Variants in APBA2 observed in about 807,000 individuals in gnomAD.
APBA2 encodes amyloid-beta A4 precursor protein-binding family A member 2.
APBA2 carries 30 observed loss-of-function variants against 75.0 expected under a neutral mutation model. The ratio of observed to expected loss-of-function variants is 0.40; its 90% CI spans 0.30 to 0.54. The LOEUF is 0.54. APBA2 is among the 20% of genes least tolerant of loss of function. APBA2 has a pLI of 0.49. For synonymous variants in APBA2, 444 were observed against 409.6 expected (o/e 1.08, Z -1.01); for missense variants, 801 against 1,016.1 (o/e 0.79, Z 2.88).
intron 2 of APBA2, among the ~76,000 whole-genome samples, chr15:28,922,379 C>T (rs1341159612): frequency 6.6e-6 from 1 of 152,190 alleles, no homozygotes; most frequent in Non-Finnish European, 1.5e-5. Flanking sequence ...CACTGGTGGC[C>T]ACCACAGTTA....
chr15:28,898,520 A>G (rs180699676), intron 1 of APBA2, among the ~76,000 whole-genome samples: 14 of 152,338 alleles, frequency 9.2e-5, no homozygotes, highest in Admixed American at 7.2e-4. Context: ...AGGAAGGGCA[A>G]CAGACAACTG....
chr15:28,955,750 C>T (rs2036132666), intron 2 of APBA2, among the ~76,000 whole-genome samples: 1 of 112,732 alleles, frequency 8.9e-6, no homozygotes, highest in South Asian at 2.6e-4. Flanking sequence ...CAAAGCTCCT[C>T]CCAGGTGCCT....
At position 28,942,918 on chromosome 15, in the gene APBA2, C is replaced by T. The variant is rs180909243; in HGVS notation, c.-95+21169C>T. Among the ~76,000 whole-genome samples the T allele has an allele frequency of 5.9e-4, 90 of 152,356 alleles. 1 individual carries two copies. In the East Asian group the frequency reaches 0.017, roughly 28 times the overall value. On this transcript the variant is annotated intron_variant, in intron 2 of 14. Transcript: ENST00000683413. ...GAGCAGCCCCTGAGCGACTCTGCTC[C>T]TTCCTGGGCCTCGGTTTCCTCGTTC...
chr15:29,054,329 C>T lies in APBA2; in HGVS notation c.445C>T (p.Pro149Ser), dbSNP rs760419830. ...EEWTDSAGPH[P>S]HGHEAEGSQD... ...GTGGACGGACTCGGCGGGCCCGCAC[C>T]CCCACGGCCACGAGGCTGAAGGCAG... is the stretch of plus-strand genomic sequence containing the variant. The change falls in exon 4 of 15, where the codon CCC becomes TCC. Residue 149 changes from proline to serine, a missense_variant. Around this residue, in one of 2 missense-constraint regions of APBA2, gnomAD observed 434 missense variants for 471.6 expected, o/e 0.92. Transcript: ENST00000683413. This position sits in a 1 kb window ranked among gnomAD's most constrained non-coding sequence, Gnocchi z 6.1. 3.3e-5 allele frequency: 54 copies of T among 1,613,886 alleles called. No homozygotes were observed. Among genetic ancestry groups the T allele is most frequent in the Non-Finnish European group, 4.5e-5 (53 of 1,180,012 alleles).
chr15:29,029,384 A>G (rs536777435), intron 3 of APBA2, among the ~76,000 whole-genome samples: 1 of 151,780 alleles, frequency 6.6e-6, no homozygotes, highest in African/African-American at 2.4e-5. Flanking sequence ...AATGAGTACT[A>G]ATTTGGCCAT....
At chr15:29,000,078 G>A (rs549105746) in intron 3 of APBA2, among the ~76,000 whole-genome samples, 30 of 152,258 alleles carry the variant, frequency 2.0e-4, no homozygotes, top group Non-Finnish European at 4.3e-4. Context: ...GAGGAGGGCC[G>A]TCTGCTTTAC....
At chr15:28,886,840 C>A (rs994491307) in intron 1 of APBA2, among the ~76,000 whole-genome samples, 2 of 152,176 alleles carry the variant, frequency 1.3e-5, no homozygotes, top group African/African-American at 4.8e-5. Context: ...TGCAGGTGCC[C>A]GGTTGGGGGC....
At chr15:29,070,151 A>T (rs1047777868) in intron 4 of APBA2, among the ~76,000 whole-genome samples, 3 of 149,510 alleles carry the variant, frequency 2.0e-5, no homozygotes, top group African/African-American at 7.7e-5. Context: ...AGATGAAAAA[A>T]CTTATAGTGG....
intron 3 of APBA2, among the ~76,000 whole-genome samples, chr15:28,996,632 C>T (rs139427114): frequency 1.3e-4 from 20 of 152,200 alleles, no homozygotes; most frequent in East Asian, 1.9e-4. Flanking sequence ...GTTTGGAGAA[C>T]GAGGAGCAGA....
chr15:29,055,912 G>T (rs931403503), intron 4 of APBA2, among the ~76,000 whole-genome samples: 3 of 152,180 alleles, frequency 2.0e-5, no homozygotes, highest in Non-Finnish European at 2.9e-5. Context: ...ATGCATAGGA[G>T]CTCCCATGGT....
intron 3 of APBA2, among the ~76,000 whole-genome samples, chr15:29,038,446 G>T (rs1402388119): frequency 6.6e-6 from 1 of 152,132 alleles, no homozygotes; most frequent in Non-Finnish European, 1.5e-5. Context: ...CCGTGGTATG[G>T]GTTGGTTTCC....
chr15:29,073,339 GGTAAATTAGGTAAAT>G (rs1418131229), intron 4 of APBA2, among the ~76,000 whole-genome samples: 1 of 152,166 alleles, frequency 6.6e-6, no homozygotes, highest in Non-Finnish European at 1.5e-5. Context: ...TAAGGTGCTA[GGTAAATTAGGTAAAT>G]GTAACTTTTT....
chr15:28,999,568 G>A lies in APBA2; in HGVS notation c.-41+3762G>A, dbSNP rs150682971. ...GGTTGCCCAGAGTGTGAAGCAAGGG[G>A]GCCTTCATGTCCTGTTTATCAAGGG... On this transcript the variant is annotated intron_variant, in intron 3 of 14. Coordinates refer to ENST00000683413, the MANE Select transcript of APBA2 (RefSeq NM_001353788.2). 8.5e-5 allele frequency among the ~76,000 whole-genome samples: 13 copies of A among 152,218 alleles called. No homozygotes were observed. In the East Asian group the frequency reaches 2.5e-3, roughly 29 times the overall value.
intron 4 of APBA2, among the ~76,000 whole-genome samples, chr15:29,074,378 A>G (rs903819523): frequency 2.0e-5 from 3 of 152,222 alleles, no homozygotes; most frequent in Admixed American, 2.0e-4. Context: ...GCTGAGTGCA[A>G]TAAGCCAGTT....
chr15:29,017,376 T>C (rs985683720), intron 3 of APBA2, among the ~76,000 whole-genome samples: 12 of 151,160 alleles, frequency 7.9e-5, no homozygotes, highest in African/African-American at 2.9e-4. Context: ...TTCATATTTT[T>C]CCATCTTCTT....
chr15:28,898,662 A>G (rs1318034557), intron 1 of APBA2, among the ~76,000 whole-genome samples: 1 of 152,194 alleles, frequency 6.6e-6, no homozygotes, highest in African/African-American at 2.4e-5. Flanking sequence ...GGTTCCATTT[A>G]TGCTATGGAA....
rs183549741 is a variant in APBA2 at position 29,082,977 on chromosome 15, G to T, written c.1069+6886G>T. Among the ~76,000 whole-genome samples the T allele has an allele frequency of 1.3e-3, 194 of 152,150 alleles. 1 individual carries two copies. In the Middle Eastern group the frequency reaches 0.014, roughly 11 times the overall value. ...CTAGAGAGGCTGGGGCAGGAGAATT[G>T]CTTGAATCTGGGAGTTAGAGGTTGC... On this transcript the variant is annotated intron_variant, in intron 6 of 14. Transcript: ENST00000683413.
intron 2 of APBA2, among the ~76,000 whole-genome samples, chr15:28,945,622 G>A (rs8023781): frequency 3.3e-5 from 5 of 151,582 alleles, no homozygotes; most frequent in African/African-American, 4.9e-5. Context: ...AAGTTCAAGC[G>A]ATTCTCCTGC....
In APBA2 at chr15:29,059,914, C is replaced by T. The variant is rs550614116; in HGVS notation, c.951+5079C>T. ...GCATAAAGTCCCACGTTCGCTATAG[C>T]GGAGACACCAGCCAGCCTGGCCAGT... On this transcript the variant is annotated intron_variant, in intron 4 of 14. Coordinates refer to ENST00000683413, the MANE Select transcript of APBA2 (RefSeq NM_001353788.2). Among the ~76,000 whole-genome samples the T allele has an allele frequency of 2.6e-4, 40 of 152,312 alleles. No individual in the cohort carries two copies. The South Asian group carries it at 6.6e-3, about 25-fold the overall frequency.
Sources: allele counts gnomAD v4.1 joint callset (sites outside exome capture counted in the v4.1 genomes callset), GRCh38; gene constraint gnomAD v4.1.1; regional missense constraint gnomAD v4.1.1; non-coding constraint Gnocchi (gnomAD v3.1); transcripts MANE v1.5; gene names NCBI Gene and HGNC (gene_info 2026-07-23, HGNC 2026-07-21).